NFE2L3: variants seen among roughly 807,000 people sequenced by gnomAD.
NFE2L3 encodes the protein NFE2 like bZIP transcription factor 3.
Under a neutral mutation model 23.5 loss-of-function variants are expected in NFE2L3, and 18 were observed. The observed-to-expected ratio is 0.77, with a 90% confidence interval of 0.53 to 1.13. The LOEUF is 1.13. Among genes scored for constraint, NFE2L3 ranks in the 50% most tolerant of loss-of-function variants. NFE2L3 has a pLI of 0.00. For synonymous variants in NFE2L3, 424 were observed against 354.5 expected (o/e 1.20, Z -2.20); for missense variants, 1,152 against 877.2 (o/e 1.31, Z -3.96).
Position 26,152,618 on chromosome 7 carries a change from C to T in NFE2L3, c.120C>T (p.Thr40=), listed in dbSNP as rs752857295. 4 of 1,537,200 alleles carry T rather than the reference C, an allele frequency of 2.6e-6. No individual in the cohort carries two copies. The highest frequency in any genetic ancestry group is 2.6e-5 in the East Asian group (1 of 37,990). The change falls in exon 1 of 4, where the codon ACC becomes ACT. Residue 40 remains threonine, a synonymous_variant. Coordinates refer to ENST00000056233, the MANE Select transcript of NFE2L3 (RefSeq NM_004289.7). This position sits in a 1 kb window ranked among gnomAD's most constrained non-coding sequence, Gnocchi z 4.4. ...TTTACCTGCTGCTGCCGCCGCCCAC[C>T]CTGCTGCAGGACGAGCTGCTGTTCC... ...LDLYLLLPPP[T]LLQDELLFLG...
chr7:26,184,185 A>T, intron 3 of NFE2L3: 1 of 335,400 alleles, frequency 3.0e-6, no homozygotes. Flanking sequence ...ACTGTAGTTT[A>T]TTATCCCTGA....
In NFE2L3 at chr7:26,152,384, T is replaced by C. The variant is rs970878708; in HGVS notation, c.-115T>C. The C allele has an allele frequency of 8.5e-6, 6 of 708,210 alleles. No individual in the cohort carries two copies. The African/African-American group carries it at 1.1e-4, about 13-fold the overall frequency. The allele number at this position is 708,210 out of a possible 1,614,324, so 43.9% of individuals were successfully genotyped here. On this transcript the variant is annotated 5_prime_UTR_variant, in exon 1 of 4. Transcript: ENST00000056233. The surrounding 1 kb of genome is among the most constrained non-coding windows in gnomAD (Gnocchi z 4.4). ...ACGCGCCCCGGTCCATTGTTTCGCT[T>C]ATCTGGGTTCCAGGCAGGTGCGGGC...
In NFE2L3 at chr7:26,152,675, C is replaced by G; in HGVS notation, c.177C>G (p.Leu59=). 2.0e-6 allele frequency: 3 copies of G among 1,488,862 alleles called. No individual in the cohort carries two copies. The highest frequency in any genetic ancestry group is 2.7e-6 in the Non-Finnish European group (3 of 1,126,622). 92.2% of individuals were successfully genotyped at this position (1,488,862 alleles called of 1,614,324 possible). ...LGGPASSAYA[L]SPFSASGGWG... ...GCCCGGCCAGCTCCGCCTACGCGCTCAGCCCCTTCTCGGCCTCGGGAGGGT... is the reference window on the plus strand; with the variant it reads ...GCCCGGCCAGCTCCGCCTACGCGCTGAGCCCCTTCTCGGCCTCGGGAGGGT... The change falls in exon 1 of 4, where the codon CTC becomes CTG. Residue 59 remains leucine (L), a synonymous_variant. Transcript: ENST00000056233. This position sits in a 1 kb window ranked among gnomAD's most constrained non-coding sequence, Gnocchi z 4.4.
intron 1 of NFE2L3, among the ~76,000 whole-genome samples, chr7:26,170,772 G>A (rs1008847681): frequency 6.6e-6 from 1 of 152,148 alleles, no homozygotes; most frequent in Non-Finnish European, 1.5e-5. Context: ...AAGCACATCA[G>A]AGAAGACCCT....
Position 26,185,635 on chromosome 7 carries a change from T to G in NFE2L3, c.1937T>G (p.Phe646Cys). 6.2e-7 allele frequency: 1 copy of G among 1,613,890 alleles called. No homozygotes were observed. The highest frequency in any genetic ancestry group is 8.5e-7 in the Non-Finnish European group (1 of 1,179,836). ...CTGCATGACCTTTATCATGATATTT[T>G]TAGTAGATTAAGAGATGACCAAGGT... is the stretch of plus-strand genomic sequence containing the variant. ...QKLHDLYHDI[F>C]SRLRDDQGRP... is the part of the protein sequence containing the mutation. The change falls in exon 4 of 4, where the codon TTT (phenylalanine) becomes TGT (cysteine). Residue 646 changes from phenylalanine (F) to cysteine (C), a missense_variant. Coordinates refer to ENST00000056233, the MANE Select transcript of NFE2L3 (RefSeq NM_004289.7).
intron 1 of NFE2L3, among the ~76,000 whole-genome samples, chr7:26,168,478 T>C (rs1784283903): frequency 1.7e-5 from 1 of 60,054 alleles, no homozygotes; most frequent in Non-Finnish European, 3.2e-5. Context: ...TCGTTCTTTT[T>C]TATGGCTGAG....
intron 1 of NFE2L3, among the ~76,000 whole-genome samples, chr7:26,154,382 C>T (rs1475322259): frequency 6.6e-6 from 1 of 152,130 alleles, no homozygotes; most frequent in East Asian, 1.9e-4. Flanking sequence ...GAGTTGAAAC[C>T]TAGTGCTGGA....
intron 2 of NFE2L3, among the ~76,000 whole-genome samples, chr7:26,179,816 A>G (rs1350010615): frequency 6.6e-6 from 1 of 152,190 alleles, no homozygotes; most frequent in Non-Finnish European, 1.5e-5. Context: ...TGGGGTGCTA[A>G]GAACATAGGA....
Position 26,184,595 on chromosome 7 carries a change from A to G in NFE2L3, c.897A>G (p.Ala299=), listed in dbSNP as rs759325435. The G allele has an allele frequency of 1.2e-6, 2 of 1,613,802 alleles. No homozygotes were observed. The highest frequency in any genetic ancestry group is 1.7e-5 in the Admixed American group (1 of 60,000). The part of the protein sequence containing the change: ...GSISDGMNSS[A]HYHVNFSQAI... ...TCAGTGATGGCATGAATTCTTCAGCACATTATCATGTAAACTTCAGCCAGG... is the reference window on the plus strand; with the variant it reads ...TCAGTGATGGCATGAATTCTTCAGCGCATTATCATGTAAACTTCAGCCAGG... Residue 299 remains alanine (A), a synonymous_variant, in exon 4 of 4, where the codon GCA becomes GCG. Coordinates refer to ENST00000056233, the MANE Select transcript of NFE2L3 (RefSeq NM_004289.7).
Position 26,184,988 on chromosome 7 carries a change from C to G in NFE2L3, c.1290C>G (p.Thr430=), listed in dbSNP as rs748200160. 25 of 1,613,760 alleles carry G rather than the reference C, an allele frequency of 1.5e-5. No homozygotes were observed. The highest frequency in any genetic ancestry group is 2.1e-5 in the Non-Finnish European group (25 of 1,179,764). Residue 430 remains threonine, a synonymous_variant, in exon 4 of 4, where the codon ACC becomes ACG. Transcript: ENST00000056233. ...GLSLDSSHNN[T]SVIKSNSSHS... ...CTTTAGATTCAAGTCACAATAATAC[C>G]TCTGTCATCAAGTCTAATTCCTCTC...
intron 1 of NFE2L3, among the ~76,000 whole-genome samples, chr7:26,171,588 A>G (rs1784328769): frequency 6.6e-6 from 1 of 152,014 alleles, no homozygotes; most frequent in Admixed American, 6.6e-5. Context: ...AAACTATGGT[A>G]AGAGGCAAAT....
intron 2 of NFE2L3, among the ~76,000 whole-genome samples, chr7:26,180,776 C>T (rs1329733402): frequency 6.6e-6 from 1 of 151,968 alleles, no homozygotes; most frequent in Non-Finnish European, 1.5e-5. Context: ...AAGTAGGGAG[C>T]TTCCTTGGAG....
In NFE2L3 at chr7:26,185,043, T is replaced by C. The variant is rs144671966; in HGVS notation, c.1345T>C (p.Tyr449His). ...HSVCDEGAIG[Y>H]CTDHESSSHH... ...TGTGTGTGATGAAGGTGCTATAGGT[T>C]ATTGCACTGACCATGAATCTAGTTC... Residue 449 changes from tyrosine (Y) to histidine (H), a missense_variant, in exon 4 of 4, where the codon TAT becomes CAT. By Grantham distance (83) the Tyr-to-His change is moderately conservative. Coordinates refer to ENST00000056233, the MANE Select transcript of NFE2L3 (RefSeq NM_004289.7). The C allele has an allele frequency of 6.8e-6, 11 of 1,613,920 alleles. No individual in the cohort carries two copies. The highest frequency in any genetic ancestry group is 9.3e-6 in the Non-Finnish European group (11 of 1,179,840).
chr7:26,177,577 A>G (rs1276146118), intron 1 of NFE2L3, among the ~76,000 whole-genome samples: 1 of 152,244 alleles, frequency 6.6e-6, no homozygotes, highest in African/African-American at 2.4e-5. Context: ...AGGCTCAGCA[A>G]TGGAGGGAGA....
At chr7:26,182,991 T>A (rs1222279589) in intron 2 of NFE2L3, among the ~76,000 whole-genome samples, 2 of 152,024 alleles carry the variant, frequency 1.3e-5, no homozygotes, top group African/African-American at 4.8e-5. Flanking sequence ...CTTGTTGTGT[T>A]GCCCAAGCTG....
At chr7:26,182,847 G>A (rs1017354441) in intron 2 of NFE2L3, among the ~76,000 whole-genome samples, 1 of 151,990 alleles carries the variant, frequency 6.6e-6, no homozygotes, top group Non-Finnish European at 1.5e-5. Context: ...AGGCTGGAGT[G>A]TGGCAGCGCT....
Position 26,183,736 on chromosome 7 carries a change from G to C in NFE2L3, c.786G>C (p.Leu262=). 1 of 1,612,740 alleles carries C rather than the reference G, an allele frequency of 6.2e-7. No individual in the cohort carries two copies. The highest frequency in any genetic ancestry group is 8.5e-7 in the Non-Finnish European group (1 of 1,178,718). ...ATGGGACAGATACTTCTTTCTCTCT[G>C]GAAGACTTATTCCAGTTGCTTTCAT... ...HLNGTDTSFS[L]EDLFQLLSSQ... The change falls in exon 3 of 4, where the codon CTG becomes CTC. Residue 262 remains leucine, a synonymous_variant. Coordinates refer to ENST00000056233, the MANE Select transcript of NFE2L3 (RefSeq NM_004289.7).
chr7:26,153,235 T>C (rs527453272), intron 1 of NFE2L3, among the ~76,000 whole-genome samples, 167 bp downstream of exon 1: 1 of 152,376 alleles, frequency 6.6e-6, no homozygotes, highest in South Asian at 2.1e-4. Flanking sequence ...AATGAAGGGC[T>C]ACTAGTGCTG....
At chr7:26,179,074 C>G (rs758190590) in intron 2 of NFE2L3, among the ~76,000 whole-genome samples, 12 of 152,154 alleles carry the variant, frequency 7.9e-5, no homozygotes, top group Non-Finnish European at 1.3e-4. Flanking sequence ...GGTTTGTTCT[C>G]TTTGCCTGCC....
Sources: allele counts gnomAD v4.1 joint callset (sites outside exome capture counted in the v4.1 genomes callset), GRCh38; gene constraint gnomAD v4.1.1; non-coding constraint Gnocchi (gnomAD v3.1); transcripts MANE v1.5; gene names NCBI Gene and HGNC (gene_info 2026-07-23, HGNC 2026-07-21).